CXADR: variants seen among roughly 807,000 people sequenced by gnomAD.
CXADR encodes the protein CXADR cell adhesion molecule.
CXADR carries 20 observed loss-of-function variants against 40.3 expected under a neutral mutation model. The observed-to-expected ratio is 0.50, with a 90% CI of 0.35 to 0.72. CXADR has a LOEUF of 0.72. CXADR is among the 30% of genes least tolerant of loss of function. The pLI is 0.01. For missense variants in CXADR, 332 were observed against 449.1 expected (o/e 0.74, Z 2.36); for synonymous variants, 150 against 161.3 (o/e 0.93, Z 0.53).
chr21:17,573,773 G>A (rs922441180), downstream of CXADR, among the ~76,000 whole-genome samples: 3 of 152,168 alleles, frequency 2.0e-5, no homozygotes, highest in African/African-American at 7.2e-5. Flanking sequence ...GCTGGGTGGT[G>A]GCACATGCCT....
chr21:17,528,466 C>T lies in CXADR; in HGVS notation c.43+15294C>T, dbSNP rs950017901. On this transcript the variant is annotated intron_variant, in intron 1 of 6. Transcript: ENST00000284878. ...CGTTACCCAGGCTGGAGTGCAGTGG[C>T]GCGATCTCGGCTCACCGTAACCTCC... Among the ~76,000 whole-genome samples, 8 of 151,680 alleles carry T rather than the reference C, an allele frequency of 5.3e-5. 1 individual carries two copies. In the South Asian group the frequency reaches 6.3e-4, roughly 12 times the overall value.
chr21:17,550,734 T>C (rs950450715), intron 2 of CXADR, among the ~76,000 whole-genome samples: 1 of 152,216 alleles, frequency 6.6e-6, no homozygotes, highest in Non-Finnish European at 1.5e-5. Context: ...CAAGAAAATA[T>C]TCCAAACATA....
the CXADR span, among the ~76,000 whole-genome samples, chr21:17,616,404 C>T: frequency 2.8e-5 from 4 of 142,584 alleles, no homozygotes; most frequent in African/African-American, 1.1e-4. Context: ...GGTGCAATCT[C>T]GGCTCACTGC....
intron 6 of CXADR, among the ~76,000 whole-genome samples, chr21:17,563,014 T>C (rs1425440000): frequency 3.3e-5 from 5 of 152,246 alleles, no homozygotes; most frequent in African/African-American, 4.8e-5. Context: ...TTCACTTTCT[T>C]ATCGTTCACG....
At chr21:17,539,985 T>C (rs553036881) in intron 1 of CXADR, among the ~76,000 whole-genome samples, 42 of 152,286 alleles carry the variant, frequency 2.8e-4, no homozygotes, top group African/African-American at 9.1e-4. Context: ...ATACCATAGA[T>C]GCCTTAAACA....
intron 1 of CXADR, among the ~76,000 whole-genome samples, chr21:17,529,820 A>G (rs2060647417): frequency 6.6e-6 from 1 of 152,198 alleles, no homozygotes; most frequent in African/African-American, 2.4e-5. Context: ...TACAGGGTAG[A>G]GCATTGTCAC....
the CXADR span, among the ~76,000 whole-genome samples, chr21:17,607,244 C>T: frequency 6.6e-6 from 1 of 152,106 alleles, no homozygotes; most frequent in South Asian, 2.1e-4. Flanking sequence ...TAAATATTTA[C>T]TTGACAGTGC....
chr21:17,534,043 TATACAC>T (rs1222649621), intron 1 of CXADR, among the ~76,000 whole-genome samples: 3 of 139,102 alleles, frequency 2.2e-5, no homozygotes, highest in African/African-American at 8.2e-5. Context: ...TATATATATA[TATACAC>T]ATATATATAG....
At chr21:17,601,033 T>G in the CXADR span, among the ~76,000 whole-genome samples, 16 of 152,024 alleles carry the variant, frequency 1.1e-4, no homozygotes, top group South Asian at 2.5e-3. Flanking sequence ...CATGGTGGTG[T>G]GCGCCTGTAA....
At chr21:17,548,663 C>T (rs973751391) in intron 2 of CXADR, among the ~76,000 whole-genome samples, 3 of 152,206 alleles carry the variant, frequency 2.0e-5, no homozygotes, top group Non-Finnish European at 2.9e-5. Flanking sequence ...GTGGGTCTTC[C>T]GTGCTTCTGC....
chr21:17,521,784 G>T (rs2060533717), intron 1 of CXADR, among the ~76,000 whole-genome samples: 1 of 152,172 alleles, frequency 6.6e-6, no homozygotes, highest in East Asian at 1.9e-4. Flanking sequence ...AGCAGATAAA[G>T]ACTCTTTTAA....
chr21:17,520,993 GAA>G (rs1346041802), intron 1 of CXADR, among the ~76,000 whole-genome samples: 7 of 152,190 alleles, frequency 4.6e-5, no homozygotes, highest in Admixed American at 3.3e-4. Flanking sequence ...TGGATTTCAG[GAA>G]AGAGACAGAC....
chr21:17,549,814 A>G (rs746186477), intron 2 of CXADR, among the ~76,000 whole-genome samples: 5 of 152,222 alleles, frequency 3.3e-5, no homozygotes, highest in Non-Finnish European at 5.9e-5. Context: ...CGACCTTTAG[A>G]GTTAGATTCC....
the CXADR span, among the ~76,000 whole-genome samples, chr21:17,600,678 C>CA: frequency 0.01 from 1,593 of 151,820 alleles, 14 homozygotes; most frequent in Middle Eastern, 0.034. Context: ...AAAACAAGAA[C>CA]AAAAAATTAA....
At chr21:17,551,408 GGAAAA>G (rs1034054951) in intron 2 of CXADR, among the ~76,000 whole-genome samples, 1 of 151,934 alleles carries the variant, frequency 6.6e-6, no homozygotes, top group African/African-American at 2.4e-5. Context: ...GAAAAGAAAA[GGAAAA>G]GAAAAGACAA....
At chr21:17,531,285 C>T (rs557769807) in intron 1 of CXADR, among the ~76,000 whole-genome samples, 8 of 145,806 alleles carry the variant, frequency 5.5e-5, no homozygotes, top group East Asian at 2.0e-4. Flanking sequence ...GGCGACGGAA[C>T]GAGACTCTGT....
intron 7 of CXADR, among the ~76,000 whole-genome samples, chr21:17,580,953 G>A (rs957104655): frequency 1.3e-5 from 2 of 152,074 alleles, no homozygotes; most frequent in Admixed American, 1.3e-4. Flanking sequence ...GTCTCACTAT[G>A]TTGTCCAGGC....
intron 1 of CXADR, among the ~76,000 whole-genome samples, chr21:17,517,523 A>G (rs562669092): frequency 7.2e-5 from 11 of 152,178 alleles, no homozygotes; most frequent in African/African-American, 2.4e-4. Flanking sequence ...TCAAAAGCAC[A>G]TTCCCAATTT....
At chr21:17,591,608 T>C (rs2061435444) in intron 7 of CXADR, among the ~76,000 whole-genome samples, 1 of 152,010 alleles carries the variant, frequency 6.6e-6, no homozygotes, top group African/African-American at 2.4e-5. Flanking sequence ...CTAAAACTTT[T>C]TTTTTCAAAT....
Sources: allele counts gnomAD v4.1 joint callset (sites outside exome capture counted in the v4.1 genomes callset), GRCh38; gene constraint gnomAD v4.1.1; transcripts MANE v1.5; gene names NCBI Gene and HGNC (gene_info 2026-07-23, HGNC 2026-07-21).